Variants in TUSC3 observed in about 807,000 individuals in gnomAD.
TUSC3 encodes dolichyl-diphosphooligosaccharide--protein glycosyltransferase subunit TUSC3.
A neutral mutation model predicts 44.8 loss-of-function variants in TUSC3; 45 were observed. The ratio of observed to expected loss-of-function variants is 1.00; its 90% confidence interval spans 0.79 to 1.29. The LOEUF (loss-of-function observed/expected upper bound fraction) is 1.29, where lower values mean the gene tolerates loss of function less well. TUSC3 is among the 50% of genes most tolerant of loss of function. The pLI, the probability that TUSC3 is intolerant of heterozygous loss-of-function variation, is 0.00. For synonymous variants in TUSC3, 212 were observed against 152.9 expected (o/e 1.39, Z -2.85); for missense variants, 519 against 437.9 (o/e 1.19, Z -1.65).
intron 2 of TUSC3, among the ~76,000 whole-genome samples, chr8:15,646,718 G>T (rs1012640726): frequency 1.3e-5 from 2 of 152,028 alleles, no homozygotes; most frequent in African/African-American, 4.8e-5. Flanking sequence ...CATCTGATTT[G>T]CACACAGGTA....
the TUSC3 span, among the ~76,000 whole-genome samples, chr8:15,785,094 A>T: frequency 2.0e-5 from 3 of 152,230 alleles, no homozygotes; most frequent in African/African-American, 7.2e-5. Context: ...TTAATCCACT[A>T]AAGAATGAAT....
the TUSC3 span, among the ~76,000 whole-genome samples, chr8:15,784,199 T>C: frequency 3.9e-5 from 6 of 151,980 alleles, no homozygotes; most frequent in African/African-American, 4.8e-5. Flanking sequence ...AAAAAGTAAG[T>C]GATGGTGAGG....
At chr8:15,581,943 G>T (rs1319684991) in intron 1 of TUSC3, among the ~76,000 whole-genome samples, 1 of 150,006 alleles carries the variant, frequency 6.7e-6, no homozygotes, top group Non-Finnish European at 1.5e-5. Context: ...TCAGACTGCT[G>T]TGCTAGCAGT....
At chr8:15,519,196 T>C (rs946584378) in intron 2 of TUSC3, among the ~76,000 whole-genome samples, 3 of 152,172 alleles carry the variant, frequency 2.0e-5, no homozygotes, top group Admixed American at 1.3e-4. Flanking sequence ...AATGATCATG[T>C]TTTATTCTCT....
At chr8:15,702,059 G>T (rs904808233) in intron 6 of TUSC3, among the ~76,000 whole-genome samples, 1 of 152,104 alleles carries the variant, frequency 6.6e-6, no homozygotes. Flanking sequence ...GAAATGGGAC[G>T]AGAATGGAAG....
the TUSC3 span, among the ~76,000 whole-genome samples, chr8:15,837,892 A>G: frequency 6.6e-6 from 1 of 152,198 alleles, no homozygotes; most frequent in Non-Finnish European, 1.5e-5. Flanking sequence ...ATTATTTATC[A>G]GTTTTTAAAA....
intron 2 of TUSC3, among the ~76,000 whole-genome samples, chr8:15,530,408 T>G (rs1203915619): frequency 6.6e-6 from 1 of 152,202 alleles, no homozygotes; most frequent in Non-Finnish European, 1.5e-5. Flanking sequence ...GGAGTTAATA[T>G]GTAGTATTTA....
intron 2 of TUSC3, among the ~76,000 whole-genome samples, chr8:15,484,273 C>G (rs1800707278): frequency 6.6e-6 from 1 of 152,148 alleles, no homozygotes; most frequent in Non-Finnish European, 1.5e-5. Flanking sequence ...CTCAAATGTC[C>G]ACTCTGCTCT....
chr8:15,609,057 G>A (rs186319387), intron 1 of TUSC3, among the ~76,000 whole-genome samples: 5 of 152,126 alleles, frequency 3.3e-5, no homozygotes, highest in Non-Finnish European at 7.4e-5. Flanking sequence ...ATTTTCTGTT[G>A]GATTCTATTG....
At chr8:15,498,387 T>C (rs1800911690) in intron 2 of TUSC3, among the ~76,000 whole-genome samples, 1 of 152,140 alleles carries the variant, frequency 6.6e-6, no homozygotes, top group South Asian at 2.1e-4. Context: ...GTGTTGGAGA[T>C]GTGAATAGAA....
intron 6 of TUSC3, chr8:15,689,473 C>G (rs887688537): frequency 5.8e-6 from 1 of 172,266 alleles, no homozygotes; most frequent in Admixed American, 6.4e-5. Context: ...GCAGCTGGGT[C>G]TTCTTCACTG....
At chr8:15,591,805 A>G (rs934499309) in intron 1 of TUSC3, among the ~76,000 whole-genome samples, 1 of 152,196 alleles carries the variant, frequency 6.6e-6, no homozygotes, top group Non-Finnish European at 1.5e-5. Flanking sequence ...GGCAGAGGCC[A>G]GAACATTGTA....
In TUSC3 at chr8:15,432,733, G is replaced by C. The variant is rs575728049; in HGVS notation, n.91+15428G>C. Among the ~76,000 whole-genome samples, 51 of 152,016 alleles carry C rather than the reference G, an allele frequency of 3.4e-4. 1 individual carries two copies. The highest frequency in any genetic ancestry group is 9.8e-4 in the Admixed American group (15 of 15,256). On this transcript the variant is annotated intron_variant and non_coding_transcript_variant, in intron 1 of 5. Coordinates refer to the TUSC3 transcript ENST00000503191. The stretch of plus-strand genomic sequence containing the variant: ...GAACTGTGAACTTAATGTGCATCTC[G>C]GATCCCCTCACCCCGCCCCCACACC...
intron 2 of TUSC3, among the ~76,000 whole-genome samples, chr8:15,534,801 A>G (rs1399635391): frequency 6.6e-6 from 1 of 152,218 alleles, no homozygotes; most frequent in Non-Finnish European, 1.5e-5. Context: ...CAAAAAAGGT[A>G]AAGTGACGTA....
At chr8:15,646,128 A>G (rs1433940930) in intron 2 of TUSC3, among the ~76,000 whole-genome samples, 2 of 152,148 alleles carry the variant, frequency 1.3e-5, no homozygotes, top group African/African-American at 4.8e-5. Flanking sequence ...AGACATTTCC[A>G]TCAGCAAGCA....
chr8:15,748,469 A>G lies in TUSC3; in HGVS notation c.1028+4A>G, dbSNP rs774781567. 23 of 1,582,390 alleles carry G rather than the reference A, an allele frequency of 1.5e-5. No homozygotes were observed. Among genetic ancestry groups the G allele is most frequent in the Non-Finnish European group, 1.8e-5 (21 of 1,151,450 alleles). ...AGTACCACGGCTATCCTTATAGGTA[A>G]TATCTTTATACTAACATGAATGTTT... On this transcript the variant is annotated splice_donor_region_variant and intron_variant, in intron 9 of 10. Coordinates refer to ENST00000503731, the MANE Select transcript of TUSC3 (RefSeq NM_006765.4).
At chr8:15,633,595 A>G (rs1373705115) in intron 2 of TUSC3, among the ~76,000 whole-genome samples, 2 of 152,292 alleles carry the variant, frequency 1.3e-5, no homozygotes, top group Admixed American at 1.3e-4. Context: ...CAATTTTTTT[A>G]CTAAATTCTA....
chr8:15,471,050 G>C (rs1314297974), intron 1 of TUSC3, among the ~76,000 whole-genome samples: 1 of 152,188 alleles, frequency 6.6e-6, no homozygotes, highest in Non-Finnish European at 1.5e-5. Flanking sequence ...AAAGGATGCA[G>C]TAAAAAAGTG....
At chr8:15,842,615 A>G in the TUSC3 span, among the ~76,000 whole-genome samples, 1 of 152,144 alleles carries the variant, frequency 6.6e-6, no homozygotes. Flanking sequence ...TGTACACAGG[A>G]GAGAAAGAAG....
Sources: allele counts gnomAD v4.1 joint callset (sites outside exome capture counted in the v4.1 genomes callset), GRCh38; gene constraint gnomAD v4.1.1; transcripts MANE v1.5; gene names NCBI Gene and HGNC (gene_info 2026-07-23, HGNC 2026-07-21).